The following FAM83F variants were observed in gnomAD, a reference collection of about 807,000 sequenced individuals.
The protein encoded by FAM83F is scaffolding CK1 anchoring protein F.
Under a neutral mutation model 42.9 loss-of-function variants are expected in FAM83F, and 45 were observed. The observed-to-expected ratio is 1.05, with a 90% CI of 0.83 to 1.35. The LOEUF is 1.35. Among genes scored for constraint, FAM83F ranks in the 40% most tolerant of loss-of-function variants. The pLI is 0.00. For missense variants in FAM83F, 617 were observed against 695.9 expected, an observed-to-expected ratio of 0.89 and a Z score of 1.28; for synonymous variants, 306 against 298.3, an observed-to-expected ratio of 1.03 and a Z score of -0.27.
Position 39,995,551 on chromosome 22 carries a change from C to T in FAM83F, c.489+20C>T. ...CAGAAGGTAGGCCCCCGCCTTCGCC[C>T]CCACACCGCTGGGACCTCGGCCCCA... On this transcript the variant is annotated intron_variant, in intron 1 of 4. Transcript: ENST00000333407. This position sits in a 1 kb window ranked among gnomAD's most constrained non-coding sequence, Gnocchi z 4.6. The T allele has an allele frequency of 2.6e-6, 4 of 1,534,080 alleles. No homozygotes were observed. The highest frequency in any genetic ancestry group is 3.5e-6 in the Non-Finnish European group (4 of 1,135,198).
chr22:40,001,734 G>GA (rs1327281714), intron 1 of FAM83F, among the ~76,000 whole-genome samples: 7 of 152,174 alleles, frequency 4.6e-5, no homozygotes, highest in African/African-American at 1.4e-4. Context: ...GAGGATACTG[G>GA]AAAGTATCAT....
chr22:40,006,850 A>G (rs2067432020), intron 1 of FAM83F, among the ~76,000 whole-genome samples: 1 of 152,164 alleles, frequency 6.6e-6, no homozygotes, highest in African/African-American at 2.4e-5. Flanking sequence ...CAGTCAGGGC[A>G]GCGTGAACTA....
At position 39,995,458 on chromosome 22, in the gene FAM83F, C is replaced by T. The variant is rs776338603; in HGVS notation, c.416C>T (p.Thr139Ile). 1 of 1,568,624 alleles carries T rather than the reference C, an allele frequency of 6.4e-7. No individual in the cohort carries two copies. Among genetic ancestry groups the T allele is most frequent in the South Asian group, 1.2e-5 (1 of 85,506 alleles). Residue 139 changes from threonine (T) to isoleucine (I), a missense_variant, in exon 1 of 5, where the codon ACC becomes ATC. Coordinates refer to ENST00000333407, the MANE Select transcript of FAM83F (RefSeq NM_138435.4). The surrounding 1 kb of genome is among the most constrained non-coding windows in gnomAD (Gnocchi z 4.6). ...GGCGTGAGCCGGGTCACGCTCTTCA[C>T]CCACCCGCCCAAGGACGAGAAGGCG... ...YRGVSRVTLF[T>I]HPPKDEKAPH...
At chr22:40,011,499 G>C (rs1381696359) in intron 1 of FAM83F, among the ~76,000 whole-genome samples, 1 of 152,094 alleles carries the variant, frequency 6.6e-6, no homozygotes, top group East Asian at 1.9e-4. Flanking sequence ...CCCACATGCT[G>C]TCTAGGCCAG....
At chr22:39,999,535 A>G (rs541685755) in intron 1 of FAM83F, among the ~76,000 whole-genome samples, 26 of 152,174 alleles carry the variant, frequency 1.7e-4, no homozygotes, top group Admixed American at 4.6e-4. Context: ...CCGCACCTCA[A>G]TAGCTGCGTA....
rs1398625643 is a variant in FAM83F at position 40,036,121 on chromosome 22, C to T, written c.*6556C>T. On this transcript the variant is annotated 3_prime_UTR_variant, in exon 5 of 5. Coordinates refer to ENST00000333407, the MANE Select transcript of FAM83F (RefSeq NM_138435.4). ...CTCAAACTCCTGGGCTCAATGAGTTCCTTGAGATCTTCCATCCTCAGCTTC... is the reference window on the plus strand; with the variant it reads ...CTCAAACTCCTGGGCTCAATGAGTTTCTTGAGATCTTCCATCCTCAGCTTC... 3 of 152,104 alleles carry T rather than the reference C, an allele frequency of 2.0e-5. No individual in the cohort carries two copies. The highest frequency in any genetic ancestry group is 7.2e-5 in the African/African-American group (3 of 41,408). The allele number at this position is 152,104 out of a possible 1,614,324, so 9.4% of individuals were successfully genotyped here.
At position 40,030,996 on chromosome 22, in the gene FAM83F, G is replaced by C. The variant is rs2067583579; in HGVS notation, c.*1431G>C. ...CATTGCTTCTGAGGAAGCAGGAAGT[G>C]GGGACCACATGTGGCGGCCATTGAG... is the stretch of plus-strand genomic sequence containing the variant. On this transcript the variant is annotated 3_prime_UTR_variant, in exon 5 of 5. Coordinates refer to ENST00000333407, the MANE Select transcript of FAM83F (RefSeq NM_138435.4). 1 of 152,180 alleles carries C rather than the reference G, an allele frequency of 6.6e-6. No homozygotes were observed. The highest frequency in any genetic ancestry group is 1.5e-5 in the Non-Finnish European group (1 of 68,066). 9.4% of individuals were successfully genotyped at this position (152,180 alleles called of 1,614,324 possible).
Position 40,008,275 on chromosome 22 carries a change from C to T in FAM83F, c.490-10893C>T, listed in dbSNP as rs769463996. On this transcript the variant is annotated intron_variant, in intron 1 of 4. Coordinates refer to ENST00000333407, the MANE Select transcript of FAM83F (RefSeq NM_138435.4). ...GGGAGGCGCGGGCTGCCTGGCTCCT[C>T]GGGAGCTCAGCGGGCCCCCCATGGG... 1.1e-4 allele frequency among the ~76,000 whole-genome samples: 17 copies of T among 152,348 alleles called. No homozygotes were observed. The East Asian group carries it at 1.7e-3, about 16-fold the overall frequency.
chr22:40,006,698 T>A (rs2067430968), intron 1 of FAM83F, among the ~76,000 whole-genome samples: 1 of 152,176 alleles, frequency 6.6e-6, no homozygotes, highest in Non-Finnish European at 1.5e-5. Flanking sequence ...CCTCTTTGGG[T>A]TGGACGCACA....
At chr22:40,024,334 C>T (rs1184889411) in intron 4 of FAM83F, among the ~76,000 whole-genome samples, 1 of 152,188 alleles carries the variant, frequency 6.6e-6, no homozygotes. Context: ...TTCACGGCCT[C>T]CAGCTTCCCA....
intron 1 of FAM83F, among the ~76,000 whole-genome samples, chr22:40,007,839 C>A (rs772883395): frequency 5.3e-5 from 8 of 152,176 alleles, no homozygotes; most frequent in Admixed American, 1.3e-4. Context: ...CAGATGGGGT[C>A]TGTTGCAGTC....
chr22:40,024,120 C>T (rs1481637391), intron 4 of FAM83F, among the ~76,000 whole-genome samples: 2 of 152,224 alleles, frequency 1.3e-5, no homozygotes, highest in Admixed American at 6.5e-5. Flanking sequence ...CCACCTCAGC[C>T]TCCTGAGTAG....
At position 40,021,386 on chromosome 22, in the gene FAM83F, C is replaced by T. The variant is rs772752278; in HGVS notation, c.876C>T (p.Tyr292=). The change falls in exon 4 of 5, where the codon TAC becomes TAT. Residue 292 remains tyrosine, a synonymous_variant. Coordinates refer to ENST00000333407, the MANE Select transcript of FAM83F (RefSeq NM_138435.4). The surrounding 1 kb of genome is among the most constrained non-coding windows in gnomAD (Gnocchi z 8.7). ...EPFDTEFREL[Y]AISEEVDLYR... ...TTGACACGGAGTTCCGGGAGCTGTA[C>T]GCCATCTCCGAGGAGGTGGACTTGT... 38 of 1,613,228 alleles carry T rather than the reference C, an allele frequency of 2.4e-5. No homozygotes were observed. Among genetic ancestry groups the T allele is most frequent in the Admixed American group, 3.3e-5 (2 of 59,940 alleles).
At chr22:40,017,840 G>C (rs1045588238) in intron 1 of FAM83F, among the ~76,000 whole-genome samples, 2 of 152,158 alleles carry the variant, frequency 1.3e-5, no homozygotes, top group Admixed American at 1.3e-4. Flanking sequence ...TCACTTTGCA[G>C]ATGAGGAAAC....
At chr22:39,996,234 AGGGG>A (rs1302902959) in intron 1 of FAM83F, among the ~76,000 whole-genome samples, 4 of 152,038 alleles carry the variant, frequency 2.6e-5, no homozygotes, top group Admixed American at 2.6e-4. Context: ...AGTTGGAAGG[AGGGG>A]CTGTTTCCAG....
At chr22:40,019,098 C>A in intron 1 of FAM83F, 70 bp from the exon 2 acceptor site, 1 of 1,570,752 alleles carries the variant, frequency 6.4e-7, no homozygotes, top group Non-Finnish European at 8.7e-7. Context: ...GAGGTGGTAC[C>A]ATCTGAGCAG....
Position 39,995,000 on chromosome 22 carries a change from G to A in FAM83F, c.-43G>A. Reference sequence around the variant, plus strand: ...AGGTGCGGCTGTGGGACCTCGGACCGCGGCGGGGCCGGGGCCAGGGCCGGG... The same window carrying A: ...AGGTGCGGCTGTGGGACCTCGGACCACGGCGGGGCCGGGGCCAGGGCCGGG... On this transcript the variant is annotated 5_prime_UTR_variant, in exon 1 of 5. Coordinates refer to ENST00000333407, the MANE Select transcript of FAM83F (RefSeq NM_138435.4). 2.4e-6 allele frequency: 3 copies of A among 1,233,304 alleles called. No individual in the cohort carries two copies. The highest frequency in any genetic ancestry group is 3.0e-6 in the Non-Finnish European group (3 of 989,588). The allele number at this position is 1,233,304 out of a possible 1,614,324, so 76.4% of individuals were successfully genotyped here.
rs2067626520 is a variant in FAM83F at position 40,036,764 on chromosome 22, C to T, written c.*7199C>T. 2.0e-5 allele frequency: 3 copies of T among 152,396 alleles called. No individual in the cohort carries two copies. The highest frequency in any genetic ancestry group is 7.2e-5 in the African/African-American group (3 of 41,566). 9.4% of individuals were successfully genotyped at this position (152,396 alleles called of 1,614,324 possible). A position where few individuals can be genotyped will look rare whatever the true frequency, so the allele number is the denominator to read the frequency against. ...CTGCGCAGGTGGCCCTGGAGAGAAG[C>T]CTTGGAGAACTTGGAGAAGCCCACG... On this transcript the variant is annotated 3_prime_UTR_variant, in exon 5 of 5. Coordinates refer to ENST00000333407, the MANE Select transcript of FAM83F (RefSeq NM_138435.4).
At position 40,036,529 on chromosome 22, in the gene FAM83F, G is replaced by GA. The variant is rs2067624954; in HGVS notation, c.*6966dup. The GA allele has an allele frequency of 6.6e-6, 1 of 152,210 alleles. No homozygotes were observed. Among genetic ancestry groups the GA allele is most frequent in the Non-Finnish European group, 1.5e-5 (1 of 68,038 alleles). The allele number at this position is 152,210 out of a possible 1,614,324, so 9.4% of individuals were successfully genotyped here. On this transcript the variant is annotated 3_prime_UTR_variant, in exon 5 of 5. Coordinates refer to ENST00000333407, the MANE Select transcript of FAM83F (RefSeq NM_138435.4). ...AATAAACAATTTTAGTTTGTTTGGA[G>GA]AATCTTTTGTATACAAAATACAAAT...
Sources: allele counts gnomAD v4.1 joint callset (sites outside exome capture counted in the v4.1 genomes callset), GRCh38; gene constraint gnomAD v4.1.1; non-coding constraint Gnocchi (gnomAD v3.1); transcripts MANE v1.5; gene names NCBI Gene and HGNC (gene_info 2026-07-23, HGNC 2026-07-21).